Variants in CDH13 observed in about 807,000 individuals in gnomAD.
CDH13 encodes cadherin-13.
Under a neutral mutation model 63.8 loss-of-function variants are expected in CDH13, and 24 were observed. The ratio of observed to expected loss-of-function variants is 0.38; its 90% CI spans 0.27 to 0.53. The LOEUF (loss-of-function observed/expected upper bound fraction) is 0.53, where lower values mean the gene tolerates loss of function less well. Ranked by LOEUF, CDH13 falls within the 20% of genes least tolerant of loss-of-function variation. The probability of loss-of-function intolerance (pLI) is 0.85; values close to 1 mark genes in which losing one functional copy is unlikely to be tolerated. For missense variants in CDH13, 1,049 were observed against 903.1 expected (o/e 1.16, Z -2.07); for synonymous variants, 503 against 355.3 (o/e 1.42, Z -4.67).
chr16:83,460,040 A>G (rs1439920332), intron 6 of CDH13, among the ~76,000 whole-genome samples: 1 of 152,244 alleles, frequency 6.6e-6, no homozygotes, highest in African/African-American at 2.4e-5. Context: ...AAGATTATAT[A>G]AAGAACTTCT....
chr16:83,598,423 T>A (rs929649845), intron 7 of CDH13, among the ~76,000 whole-genome samples: 17 of 152,108 alleles, frequency 1.1e-4, no homozygotes, highest in Non-Finnish European at 1.5e-4. Context: ...CTACAAAAAA[T>A]TTTCTGTTTA....
At chr16:83,548,211 A>T (rs1286471522) in intron 7 of CDH13, among the ~76,000 whole-genome samples, 1 of 152,060 alleles carries the variant, frequency 6.6e-6, no homozygotes, top group Non-Finnish European at 1.5e-5. Flanking sequence ...GATATTTAGG[A>T]GGCAAACTCA....
chr16:82,888,051 C>T (rs1267722178), intron 2 of CDH13, among the ~76,000 whole-genome samples: 2 of 152,120 alleles, frequency 1.3e-5, no homozygotes, highest in African/African-American at 2.4e-5. Flanking sequence ...TTTACTTGCT[C>T]ATCTTGGTGG....
intron 7 of CDH13, among the ~76,000 whole-genome samples, chr16:83,572,439 CT>C (rs1904726634): frequency 6.6e-6 from 1 of 152,124 alleles, no homozygotes; most frequent in South Asian, 2.1e-4. Context: ...CAGACCTGGC[CT>C]TTTGTTCCAC....
chr16:83,278,680 C>G (rs2089068306), intron 5 of CDH13, among the ~76,000 whole-genome samples: 1 of 152,116 alleles, frequency 6.6e-6, no homozygotes, highest in Non-Finnish European at 1.5e-5. Context: ...TGGCATTATT[C>G]CAGGGTAGTC....
intron 6 of CDH13, among the ~76,000 whole-genome samples, chr16:83,454,991 T>G (rs1334255971): frequency 6.6e-6 from 1 of 152,200 alleles, no homozygotes; most frequent in East Asian, 1.9e-4. Context: ...ATTACAGGCA[T>G]GAGTCACCAT....
chr16:83,256,193 C>A (rs965010075), intron 5 of CDH13, among the ~76,000 whole-genome samples: 3 of 152,038 alleles, frequency 2.0e-5, no homozygotes, highest in Non-Finnish European at 4.4e-5. Context: ...GCCACCATGA[C>A]CAGCTACTGT....
At chr16:82,813,068 C>A (rs1398513091) in intron 1 of CDH13, among the ~76,000 whole-genome samples, 1 of 152,030 alleles carries the variant, frequency 6.6e-6, no homozygotes, top group Non-Finnish European at 1.5e-5. Flanking sequence ...TTGTTTATTG[C>A]CCCCCATCTT....
At chr16:82,809,598 T>A (rs7195150) in intron 1 of CDH13, among the ~76,000 whole-genome samples, 11,945 of 152,224 alleles carry the variant, frequency 0.078, 504 homozygotes, top group African/African-American at 0.1. Context: ...GATTTGGTTT[T>A]ATGTTTTTAC....
chr16:82,923,925 G>A (rs2042231213), intron 2 of CDH13, among the ~76,000 whole-genome samples: 6 of 152,146 alleles, frequency 3.9e-5, no homozygotes, highest in Admixed American at 3.9e-4. Flanking sequence ...AATGATCACA[G>A]AATTACATAG....
At chr16:82,837,764 T>C (rs138824449) in intron 1 of CDH13, among the ~76,000 whole-genome samples, 1 of 152,304 alleles carries the variant, frequency 6.6e-6, no homozygotes, top group East Asian at 1.9e-4. Flanking sequence ...CTCTGCCTGA[T>C]ACATAGCAAC....
chr16:82,738,242 C>T (rs56408967), intron 1 of CDH13, among the ~76,000 whole-genome samples: 7,311 of 152,284 alleles, frequency 0.048, 277 homozygotes, highest in Non-Finnish European at 0.077. Flanking sequence ...TCAGTCACTT[C>T]CATTGTAAAA....
At chr16:82,768,183 A>AT (rs1458255534) in intron 1 of CDH13, among the ~76,000 whole-genome samples, 1 of 152,200 alleles carries the variant, frequency 6.6e-6, no homozygotes, top group African/African-American at 2.4e-5. Context: ...CATGTGCCTA[A>AT]TTTTCTCAAC....
chr16:83,584,190 G>T (rs1184169692), intron 7 of CDH13, among the ~76,000 whole-genome samples: 1 of 152,050 alleles, frequency 6.6e-6, no homozygotes, highest in Non-Finnish European at 1.5e-5. Context: ...AATTAGCCGG[G>T]CATAGTGACA....
intron 7 of CDH13, among the ~76,000 whole-genome samples, chr16:83,521,674 AG>A (rs1156898938): frequency 2.6e-5 from 4 of 152,202 alleles, no homozygotes; most frequent in African/African-American, 9.6e-5. Context: ...TGTAGACACC[AG>A]CCACCCCCGG....
chr16:83,301,470 T>C (rs1315928677), intron 5 of CDH13, among the ~76,000 whole-genome samples: 1 of 152,034 alleles, frequency 6.6e-6, no homozygotes, highest in African/African-American at 2.4e-5. Context: ...CATTTCGGAG[T>C]TTTTCTCTCC....
At chr16:83,435,876 T>C (rs1004904167) in intron 6 of CDH13, among the ~76,000 whole-genome samples, 1 of 152,196 alleles carries the variant, frequency 6.6e-6, no homozygotes, top group East Asian at 1.9e-4. Context: ...AGAGGAATTG[T>C]GTGGCTAACA....
At chr16:83,397,471 T>G (rs2151437825) in intron 6 of CDH13, 1 of 152,332 alleles carries the variant, frequency 6.6e-6, no homozygotes, top group East Asian at 1.9e-4. Flanking sequence ...AAGGTCTAGT[T>G]GTTCTTGATA....
chr16:83,316,967 C>T (rs533154399), intron 5 of CDH13, among the ~76,000 whole-genome samples: 2 of 152,340 alleles, frequency 1.3e-5, no homozygotes, highest in East Asian at 3.9e-4. Context: ...GGCTACCCAT[C>T]TATGAGAACA....
Sources: gnomAD v4.1 joint callset for allele counts (sites outside exome capture counted in the v4.1 genomes callset) on GRCh38, gnomAD v4.1.1 for gene constraint, MANE v1.5 for transcripts, NCBI Gene and HGNC (gene_info 2026-07-23, HGNC 2026-07-21) for gene names.